The following CXCR1 variants were observed in gnomAD, a reference collection of about 807,000 sequenced individuals.
CXCR1 encodes the protein C-X-C motif chemokine receptor 1, also known as C-X-C chemokine receptor type 1.
For missense variants in CXCR1, 419 were observed against 440.5 expected, an observed-to-expected ratio of 0.95 and a Z score of 0.44; for synonymous variants, 180 against 184.7, an observed-to-expected ratio of 0.97 and a Z score of 0.21.
chr2:218,166,483 G>T (rs1316510532), intron 1 of CXCR1, among the ~76,000 whole-genome samples: 1 of 152,038 alleles, frequency 6.6e-6, no homozygotes, highest in East Asian at 1.9e-4. Context: ...ACCTTGAGTG[G>T]GGTCTCGTAC....
chr2:218,165,901 G>C lies in CXCR1; in HGVS notation c.-33-657C>G, dbSNP rs547212397. Among the ~76,000 whole-genome samples the C allele has an allele frequency of 3.3e-5, 5 of 152,300 alleles. No individual in the cohort carries two copies. The East Asian group carries it at 7.7e-4, about 23-fold the overall frequency. Reference sequence around the variant, plus strand: ...CCCTCCACCCCTGAAAAAATCCACAGAATCATTCAAGAGTTTTCAAATATA... The same window carrying C: ...CCCTCCACCCCTGAAAAAATCCACACAATCATTCAAGAGTTTTCAAATATA... On this transcript the variant is annotated intron_variant, in intron 1 of 1. Transcript: ENST00000295683.
chr2:218,164,794 C>A lies in CXCR1; in HGVS notation c.418G>T (p.Val140Phe), dbSNP rs989824610. Residue 140 changes from valine (V) to phenylalanine (F), a missense_variant, in exon 2 of 2, where the codon GTC (valine) becomes TTC (phenylalanine). By Grantham distance (50) the Val-to-Phe change is conservative (BLOSUM62 -1). Coordinates refer to ENST00000295683, the MANE Select transcript of CXCR1 (RefSeq NM_000634.3). Reference sequence around the variant, plus strand: ...TGGGTCAGTGTGCGTGTGGCATGGACAATGGCCAGGTAACGGTCCACACTG... The same window carrying A: ...TGGGTCAGTGTGCGTGTGGCATGGAAAATGGCCAGGTAACGGTCCACACTG... The part of the protein sequence containing the change: ...CISVDRYLAI[V>F]HATRTLTQKR... 3 of 1,614,230 alleles carry A rather than the reference C, an allele frequency of 1.9e-6. No homozygotes were observed. The Admixed American group carries it at 5.0e-5, about 27-fold the overall frequency.
chr2:218,164,924 G>A lies in CXCR1; in HGVS notation c.288C>T (p.Ala96=), dbSNP rs3092972. The A allele has an allele frequency of 2.9e-3, 4,730 of 1,614,172 alleles. 92 individuals carry two copies. In the African/African-American group the frequency reaches 0.049, roughly 17 times the overall value. Reference sequence around the variant, plus strand: ...AAATCCAGCCATTCACCTTGGAGGCGGCCCAGATGGGCAAGGTCAGGGCAA... The same window carrying A: ...AAATCCAGCCATTCACCTTGGAGGCAGCCCAGATGGGCAAGGTCAGGGCAA... ...LLFALTLPIW[A]ASKVNGWIFG... The change falls in exon 2 of 2, where the codon GCC becomes GCT. Residue 96 remains alanine (A), a synonymous_variant. Transcript: ENST00000295683.
chr2:218,163,813 A>T lies in CXCR1; in HGVS notation c.*346T>A, dbSNP rs1434324733. ...GGGTCAACGAGAGCATCCAGCCCTC[A>T]TGAGGACACAGCTTCAGCCCTGTTC... On this transcript the variant is annotated 3_prime_UTR_variant, in exon 2 of 2. Transcript: ENST00000295683. 9.3e-6 allele frequency: 3 copies of T among 320,982 alleles called. No homozygotes were observed. The highest frequency in any genetic ancestry group is 2.1e-5 in the African/African-American group (1 of 46,962). 19.9% of individuals were successfully genotyped at this position (320,982 alleles called of 1,614,324 possible). A position where few individuals can be genotyped will look rare whatever the true frequency, so the allele number is the denominator to read the frequency against.
At chr2:218,166,279 T>C (rs561622955) in intron 1 of CXCR1, among the ~76,000 whole-genome samples, 44 of 151,986 alleles carry the variant, frequency 2.9e-4, no homozygotes, top group African/African-American at 8.9e-4. Context: ...CTACTAAAAA[T>C]ACAAAAAAAT....
At chr2:218,165,334 T>C in intron 1 of CXCR1, 90 bp from the exon 2 acceptor site, 1 of 982,770 alleles carries the variant, frequency 1.0e-6, no homozygotes, top group Admixed American at 1.9e-5. Flanking sequence ...TGGGATATCC[T>C]TGGCTTCCCT....
In CXCR1 at chr2:218,164,303, G is replaced by T. The variant is rs1315216523; in HGVS notation, c.909C>A (p.Ile303=). The change falls in exon 2 of 2, where the codon ATC becomes ATA. Residue 303 remains isoleucine, a synonymous_variant. Transcript: ENST00000295683. ...AATTTTGGCCGATGAAGGCGTAGAT[G>T]ATGGGGTTGAGGCAGCTATGGAGAA... is the stretch of plus-strand genomic sequence containing the variant. The part of the protein sequence containing the change: ...LGFLHSCLNP[I]IYAFIGQNFR... 1 of 1,612,316 alleles carries T rather than the reference G, an allele frequency of 6.2e-7. No individual in the cohort carries two copies. Among genetic ancestry groups the T allele is most frequent in the East Asian group, 2.2e-5 (1 of 44,826 alleles).
rs375103571 is a variant in CXCR1, at chr2:218,164,475, G to A, written c.737C>T (p.Ala246Val). 3 of 1,614,114 alleles carry A rather than the reference G, an allele frequency of 1.9e-6. No homozygotes were observed. Among genetic ancestry groups the A allele is most frequent in the South Asian group, 2.2e-5 (2 of 91,090 alleles). Residue 246 changes from alanine to valine, a missense_variant, in exon 2 of 2, where the codon GCT (alanine) becomes GTT (valine). Ala to Val is a moderately conservative substitution (Grantham distance 64, BLOSUM62 0). Transcript: ENST00000295683. ...QKHRAMRVIF[A>V]VVLIFLLCWL... Reference sequence around the variant, plus strand: ...GCAAAGCAGGAAGATGAGGACGACAGCAAAGATGACCCTCATGGCTCGGTG... The same window carrying A: ...GCAAAGCAGGAAGATGAGGACGACAACAAAGATGACCCTCATGGCTCGGTG...
Position 218,164,626 on chromosome 2 carries a change from CT to C in CXCR1, c.585del (p.Ala196GlnfsTer46). The C allele has an allele frequency of 2.5e-6, 4 of 1,614,228 alleles. No individual in the cohort carries two copies. On this transcript the variant is annotated frameshift_variant, in exon 2 of 2. Coordinates refer to ENST00000295683, the MANE Select transcript of CXCR1 (RefSeq NM_000634.3). LOFTEE classifies it low-confidence loss of function (END_TRUNC). ...ATCCGCAACACCATCCGCCATTTTG[CT>C]GTGTCATTTCCCAGGACCTCATAGC... ...PVCYEVLGND[T>X]AKWRMVLRIL...
In CXCR1 at chr2:218,165,238, G is replaced by T. The variant is rs1691263652; in HGVS notation, c.-27C>A. The T allele has an allele frequency of 3.1e-6, 5 of 1,602,226 alleles. No individual in the cohort carries two copies. The highest frequency in any genetic ancestry group is 4.3e-6 in the Non-Finnish European group (5 of 1,170,522). On this transcript the variant is annotated 5_prime_UTR_variant, in exon 2 of 2. Transcript: ENST00000295683. ...TCCTCTTCAGTTTCAGCAATGGTTT[G>T]ATCTAACTGGAAGGTTAGAAGGAAG...
In CXCR1 at chr2:218,164,995, C is replaced by T. The variant is rs147633483; in HGVS notation, c.217G>A (p.Val73Ile). ...AGGTTCAGCAGGTAGACATCAGTGACGGAGCGGCCGACCCTGCTGTATAAG... is the reference window on the plus strand; with the variant it reads ...AGGTTCAGCAGGTAGACATCAGTGATGGAGCGGCCGACCCTGCTGTATAAG... ...VILYSRVGRSVTDVYLLNLAL... is the reference protein window; with the variant it reads ...VILYSRVGRSITDVYLLNLAL... The change falls in exon 2 of 2, where the codon GTC becomes ATC. Residue 73 changes from valine to isoleucine, a missense_variant. Transcript: ENST00000295683. 1.9e-5 allele frequency: 30 copies of T among 1,614,098 alleles called. No homozygotes were observed. Among genetic ancestry groups the T allele is most frequent in the African/African-American group, 4.0e-5 (3 of 74,926 alleles).
At chr2:218,165,402 G>A (rs1691267001) in intron 1 of CXCR1, among the ~76,000 whole-genome samples, 158 bp from the exon 2 acceptor site, 1 of 152,230 alleles carries the variant, frequency 6.6e-6, no homozygotes. Flanking sequence ...GTCTTCTTCG[G>A]AGGTTGGCTT....
rs1461788020 is a variant in CXCR1 at position 218,163,801 on chromosome 2, C to A, written c.*358G>T. On this transcript the variant is annotated 3_prime_UTR_variant, in exon 2 of 2. Coordinates refer to ENST00000295683, the MANE Select transcript of CXCR1 (RefSeq NM_000634.3). ...ATGCTCCTGTGAGGGTCAACGAGAGCATCCAGCCCTCATGAGGACACAGCT... is the reference window on the plus strand; with the variant it reads ...ATGCTCCTGTGAGGGTCAACGAGAGAATCCAGCCCTCATGAGGACACAGCT... 6.6e-6 allele frequency: 2 copies of A among 301,334 alleles called. No individual in the cohort carries two copies. Among genetic ancestry groups the A allele is most frequent in the Non-Finnish European group, 1.3e-5 (2 of 149,196 alleles). The allele number at this position is 301,334 out of a possible 1,614,324, so 18.7% of individuals were successfully genotyped here.
Position 218,164,432 on chromosome 2 carries a change from C to A in CXCR1, c.780G>T (p.Leu260=). 1.2e-6 allele frequency: 2 copies of A among 1,614,156 alleles called. No homozygotes were observed. Among genetic ancestry groups the A allele is most frequent in the African/African-American group, 1.3e-5 (1 of 75,030 alleles). The change falls in exon 2 of 2, where the codon CTG becomes CTT. Residue 260 remains leucine, a synonymous_variant. Transcript: ENST00000295683. ...IFLLCWLPYN[L]VLLADTLMRT... Reference sequence around the variant, plus strand: ...TCATGAGGGTGTCTGCCAGCAGGACCAGGTTGTAGGGCAGCCAGCAAAGCA... The same window carrying A: ...TCATGAGGGTGTCTGCCAGCAGGACAAGGTTGTAGGGCAGCCAGCAAAGCA...
chr2:218,165,277 G>A, intron 1 of CXCR1, 33 bp from the exon 2 acceptor site: 1 of 1,470,588 alleles, frequency 6.8e-7, no homozygotes, highest in African/African-American at 1.4e-5. Flanking sequence ...ATGTGATTTA[G>A]TAGCTCGGAT....
chr2:218,165,238 G>A lies in CXCR1; in HGVS notation c.-27C>T. On this transcript the variant is annotated 5_prime_UTR_variant, in exon 2 of 2. Coordinates refer to ENST00000295683, the MANE Select transcript of CXCR1 (RefSeq NM_000634.3). The stretch of plus-strand genomic sequence containing the variant: ...TCCTCTTCAGTTTCAGCAATGGTTT[G>A]ATCTAACTGGAAGGTTAGAAGGAAG... The A allele has an allele frequency of 6.2e-7, 1 of 1,602,232 alleles. No individual in the cohort carries two copies. Among genetic ancestry groups the A allele is most frequent in the South Asian group, 1.1e-5 (1 of 90,836 alleles).
chr2:218,164,205 A>G lies in CXCR1; in HGVS notation c.1007T>C (p.Val336Ala). 1 of 1,614,222 alleles carries G rather than the reference A, an allele frequency of 6.2e-7. No homozygotes were observed. The highest frequency in any genetic ancestry group is 8.5e-7 in the Non-Finnish European group (1 of 1,180,034). The change falls in exon 2 of 2, where the codon GTT becomes GCT. Residue 336 changes from valine to alanine, a missense_variant. Val to Ala is a moderately conservative substitution (Grantham distance 64). Coordinates refer to ENST00000295683, the MANE Select transcript of CXCR1 (RefSeq NM_000634.3). The stretch of plus-strand genomic sequence containing the variant: ...GACAGACGAAGAAGTGTAGGAGGTA[A>G]CACGATGACGTGCCAAGAACTCCTT... ...VSKEFLARHR[V>A]TSYTSSSVNV...
chr2:218,164,419 C>G lies in CXCR1; in HGVS notation c.793G>C (p.Asp265His). The change falls in exon 2 of 2, where the codon GAC (aspartate) becomes CAC (histidine). Residue 265 changes from aspartate (D) to histidine (H), a missense_variant. Asp to His is a moderately conservative substitution (Grantham distance 81, BLOSUM62 -1). Coordinates refer to ENST00000295683, the MANE Select transcript of CXCR1 (RefSeq NM_000634.3). ...WLPYNLVLLA[D>H]TLMRTQVIQE... The stretch of plus-strand genomic sequence containing the variant: ...ATCACCTGGGTCCTCATGAGGGTGT[C>G]TGCCAGCAGGACCAGGTTGTAGGGC... The G allele has an allele frequency of 6.2e-7, 1 of 1,614,144 alleles. No individual in the cohort carries two copies. The highest frequency in any genetic ancestry group is 1.1e-5 in the South Asian group (1 of 91,074).
chr2:218,164,886 A>G lies in CXCR1; in HGVS notation c.326T>C (p.Leu109Pro), dbSNP rs560768385. ...KVNGWIFGTF[L>P]CKVVSLLKEV... ...CTTCAGGAGTGAGACCACCTTGCAC[A>G]GGAATGTGCCAAAAATCCAGCCATT... Residue 109 changes from leucine (L) to proline (P), a missense_variant, in exon 2 of 2, where the codon CTG becomes CCG. Physicochemically the swap from Leu to Pro is moderately conservative, Grantham distance 98 (BLOSUM62 -3). Coordinates refer to ENST00000295683, the MANE Select transcript of CXCR1 (RefSeq NM_000634.3). 19 of 1,614,264 alleles carry G rather than the reference A, an allele frequency of 1.2e-5. No homozygotes were observed. The South Asian group carries it at 2.0e-4, about 17-fold the overall frequency.
Sources: gnomAD v4.1 joint callset for allele counts (sites outside exome capture counted in the v4.1 genomes callset) on GRCh38, gnomAD v4.1.1 for gene constraint, MANE v1.5 for transcripts, NCBI Gene and HGNC (gene_info 2026-07-23, HGNC 2026-07-21) for gene names.